GM2A: variants seen among roughly 807,000 people sequenced by gnomAD.
GM2A encodes GM2 ganglioside activator.
A neutral mutation model predicts 12.9 loss-of-function variants in GM2A; 7 were observed. The observed-to-expected ratio is 0.54, with a 90% CI of 0.31 to 1.02. GM2A has a LOEUF of 1.02. Among genes scored for constraint, GM2A ranks in the 50% least tolerant of loss-of-function variants. The pLI is 0.05. For missense variants in GM2A, 246 were observed against 241.0 expected (o/e 1.02, Z -0.14); for synonymous variants, 101 against 96.0 (o/e 1.05, Z -0.30).
chr5:151,254,338 C>A (rs1753643678), intron 1 of GM2A, among the ~76,000 whole-genome samples: 1 of 152,106 alleles, frequency 6.6e-6, no homozygotes, highest in African/African-American at 2.4e-5. Flanking sequence ...GGATTCTAAC[C>A]AAGTTGAACT....
chr5:151,268,853 G>C lies in GM2A; in HGVS notation c.*1402G>C, dbSNP rs146782771. ...GGCCACGTCACAACCTCTGATCTCA[G>C]ACCGTGCATGCCTTGTCCTCTTAAG... On this transcript the variant is annotated 3_prime_UTR_variant, in exon 4 of 4. Coordinates refer to ENST00000357164, the MANE Select transcript of GM2A (RefSeq NM_000405.5). 4.1e-6 allele frequency: 4 copies of C among 985,420 alleles called. No homozygotes were observed. The East Asian group carries it at 4.5e-4, about 112-fold the overall frequency. The allele number at this position is 985,420 out of a possible 1,614,324, so 61.0% of individuals were successfully genotyped here.
chr5:151,264,905 G>A (rs1411841874), intron 2 of GM2A, among the ~76,000 whole-genome samples: 2 of 151,782 alleles, frequency 1.3e-5, no homozygotes, highest in Non-Finnish European at 2.9e-5. Flanking sequence ...TCGCTTGAAC[G>A]CAGGAAGCAG....
intron 1 of GM2A, 130 bp from the exon 2 acceptor site, chr5:151,259,625 A>G (rs1275154065): frequency 2.0e-5 from 15 of 755,470 alleles, no homozygotes; most frequent in Non-Finnish European, 3.0e-5. Context: ...AGTCTCATAG[A>G]TGAGGCTCAG....
At position 151,266,689 on chromosome 5, in the gene GM2A, T is replaced by G. The variant is rs1753892672; in HGVS notation, c.244-42T>G. On this transcript the variant is annotated intron_variant, in intron 2 of 3. Transcript: ENST00000357164. ...GGTATGTTTGCCCTGGAATTTACAC[T>G]TATAACCTTTTTCAAACCTTTGTTT... 3 of 1,501,726 alleles carry G rather than the reference T, an allele frequency of 2.0e-6. No homozygotes were observed. The African/African-American group carries it at 4.1e-5, about 21-fold the overall frequency. The allele number at this position is 1,501,726 out of a possible 1,614,324, so 93.0% of individuals were successfully genotyped here. A position where few individuals can be genotyped will look rare whatever the true frequency, so the allele number is the denominator to read the frequency against.
chr5:151,270,439 A>G lies in GM2A; in HGVS notation c.*2988A>G, dbSNP rs1753986794. The G allele has an allele frequency of 2.5e-6, 1 of 398,268 alleles. No homozygotes were observed. The allele number at this position is 398,268 out of a possible 1,614,324, so 24.7% of individuals were successfully genotyped here. A position where few individuals can be genotyped will look rare whatever the true frequency, so the allele number is the denominator to read the frequency against. On this transcript the variant is annotated 3_prime_UTR_variant, in exon 4 of 4. Coordinates refer to ENST00000357164, the MANE Select transcript of GM2A (RefSeq NM_000405.5). The stretch of plus-strand genomic sequence containing the variant: ...ATTTATCCAGCCTATATAATAGACA[A>G]ACAGTTAGTGTTCTTACTATATAAG...
intron 2 of GM2A, 39 bp from the exon 3 acceptor site, chr5:151,266,692 T>C (rs1206198342): frequency 2.6e-6 from 4 of 1,519,896 alleles, no homozygotes; most frequent in African/African-American, 1.4e-5. Flanking sequence ...TTTACACTTA[T>C]AACCTTTTTC....
chr5:151,261,659 G>A (rs1047210768), intron 2 of GM2A, among the ~76,000 whole-genome samples: 7 of 151,954 alleles, frequency 4.6e-5, no homozygotes, highest in Non-Finnish European at 1.0e-4. Flanking sequence ...GGCTGGTCTT[G>A]AACTCCTGAC....
chr5:151,269,844 T>G lies in GM2A; in HGVS notation c.*2393T>G. ...TGCCCCATGGCAGTCTTCTGCAGCA[T>G]TCTTCTAATACCTTTCCTTTTTCAA... On this transcript the variant is annotated 3_prime_UTR_variant, in exon 4 of 4. Coordinates refer to ENST00000357164, the MANE Select transcript of GM2A (RefSeq NM_000405.5). 9 of 362,718 alleles carry G rather than the reference T, an allele frequency of 2.5e-5. No homozygotes were observed. Among genetic ancestry groups the G allele is most frequent in the Non-Finnish European group, 3.6e-5 (9 of 250,016 alleles). The allele number at this position is 362,718 out of a possible 1,614,324, so 22.5% of individuals were successfully genotyped here.
At chr5:151,263,721 C>A (rs1293399842) in intron 2 of GM2A, among the ~76,000 whole-genome samples, 1 of 152,042 alleles carries the variant, frequency 6.6e-6, no homozygotes, top group Non-Finnish European at 1.5e-5. Context: ...TGAGAGCTGC[C>A]CAGAACTAAG....
At chr5:151,254,788 T>C (rs947761534) in intron 1 of GM2A, among the ~76,000 whole-genome samples, 7 of 152,150 alleles carry the variant, frequency 4.6e-5, no homozygotes, top group Non-Finnish European at 1.0e-4. Flanking sequence ...GAATGTCTCA[T>C]GTGATTTACT....
rs1285645288 is a variant in GM2A at position 151,269,129 on chromosome 5, C to T, written c.*1678C>T. The T allele has an allele frequency of 2.0e-6, 2 of 985,458 alleles. No individual in the cohort carries two copies. Among genetic ancestry groups the T allele is most frequent in the African/African-American group, 1.7e-5 (1 of 57,372 alleles). 61.0% of individuals were successfully genotyped at this position (985,458 alleles called of 1,614,324 possible). ...GAGGGTGGCCTCGACATCAAACTGC[C>T]TGGATTTTTCTACCACCCTGTTACA... On this transcript the variant is annotated 3_prime_UTR_variant, in exon 4 of 4. Coordinates refer to ENST00000357164, the MANE Select transcript of GM2A (RefSeq NM_000405.5).
At chr5:151,253,398 A>G (rs570990035) in intron 1 of GM2A, 101 bp downstream of exon 1, 1 of 810,550 alleles carries the variant, frequency 1.2e-6, no homozygotes, top group East Asian at 2.6e-5. Context: ...CGTTCTCTAG[A>G]ATTGGTTCTC....
chr5:151,253,278 C>A lies in GM2A; in HGVS notation c.62C>A (p.Ala21Glu), dbSNP rs936770728. 17 of 1,613,098 alleles carry A rather than the reference C, an allele frequency of 1.1e-5. No homozygotes were observed. Among genetic ancestry groups the A allele is most frequent in the Non-Finnish European group, 1.4e-5 (17 of 1,179,284 alleles). Reference protein sequence around the residue: ...IALGLLLAAPAQAHLKKPSQL... With the variant: ...IALGLLLAAPEQAHLKKPSQL... ...CTGGGCTTGCTTCTCGCGGCCCCTG[C>A]GCAAGCCCACCTGAAAAAGGTGAGT... is the stretch of plus-strand genomic sequence containing the variant. The change falls in exon 1 of 4, where the codon GCG becomes GAG. Residue 21 changes from alanine (A) to glutamate (E), a missense_variant. By Grantham distance (107) the Ala-to-Glu change is moderately radical (BLOSUM62 -1). Transcript: ENST00000357164.
In GM2A at chr5:151,268,636, G is replaced by T. The variant is rs1753945416; in HGVS notation, c.*1185G>T. On this transcript the variant is annotated 3_prime_UTR_variant, in exon 4 of 4. Coordinates refer to ENST00000357164, the MANE Select transcript of GM2A (RefSeq NM_000405.5). ...AGCCAGTCTGTGAAGACAACTGCCA[G>T]ATACTGGCAATACTCCAGCCTGGTG... The T allele has an allele frequency of 2.6e-6, 2 of 760,294 alleles. No homozygotes were observed. The highest frequency in any genetic ancestry group is 3.2e-6 in the Non-Finnish European group (2 of 624,538). The allele number at this position is 760,294 out of a possible 1,614,324, so 47.1% of individuals were successfully genotyped here. A position where few individuals can be genotyped will look rare whatever the true frequency, so the allele number is the denominator to read the frequency against.
chr5:151,257,963 C>T (rs545301779), intron 1 of GM2A, among the ~76,000 whole-genome samples: 6 of 152,336 alleles, frequency 3.9e-5, no homozygotes, highest in Middle Eastern at 6.8e-3. Flanking sequence ...TTGCATTAGA[C>T]GGTAAGCTCC....
At chr5:151,260,273 C>T (rs755970812) in intron 2 of GM2A, among the ~76,000 whole-genome samples, 1 of 152,080 alleles carries the variant, frequency 6.6e-6, no homozygotes, top group Non-Finnish European at 1.5e-5. Context: ...AATTGATATA[C>T]CAATTAGCCA....
rs951694320 is a variant in GM2A at position 151,269,671 on chromosome 5, C to T, written c.*2220C>T. On this transcript the variant is annotated 3_prime_UTR_variant, in exon 4 of 4. Coordinates refer to ENST00000357164, the MANE Select transcript of GM2A (RefSeq NM_000405.5). ...GCATCTGGTTCCAGATTTCTTTTCC[C>T]CGAAAAAAACCTTAGAAGTAACTAA... The T allele has an allele frequency of 1.2e-5, 2 of 171,074 alleles. No individual in the cohort carries two copies. Among genetic ancestry groups the T allele is most frequent in the Non-Finnish European group, 2.3e-5 (2 of 85,286 alleles). 10.6% of individuals were successfully genotyped at this position (171,074 alleles called of 1,614,324 possible).
In GM2A at chr5:151,266,927, G is replaced by A; in HGVS notation, c.426+14G>A. 6.2e-7 allele frequency: 1 copy of A among 1,603,608 alleles called. No homozygotes were observed. Among genetic ancestry groups the A allele is most frequent in the East Asian group, 2.2e-5 (1 of 44,830 alleles). On this transcript the variant is annotated intron_variant, in intron 3 of 3. Coordinates refer to ENST00000357164, the MANE Select transcript of GM2A (RefSeq NM_000405.5). ...CCCTTCAAAGAAGTAAGTACTTAGG[G>A]AGGAGAGAGCGTTACCCCTGTGGCT...
rs1223484880 is a variant in GM2A at position 151,267,546 on chromosome 5, C to T, written c.*95C>T. On this transcript the variant is annotated 3_prime_UTR_variant, in exon 4 of 4. Coordinates refer to ENST00000357164, the MANE Select transcript of GM2A (RefSeq NM_000405.5). ...AGGCCAAACTCCCACTCTCTGCCCC[C>T]CTTTAATCCCCTTTCTACAGTGAGT... The T allele has an allele frequency of 6.3e-7, 1 of 1,576,124 alleles. No individual in the cohort carries two copies. The highest frequency in any genetic ancestry group is 1.9e-5 in the Admixed American group (1 of 53,934).
Sources: allele counts gnomAD v4.1 joint callset (sites outside exome capture counted in the v4.1 genomes callset), GRCh38; gene constraint gnomAD v4.1.1; transcripts MANE v1.5; gene names NCBI Gene and HGNC (gene_info 2026-07-23, HGNC 2026-07-21).